The following DZANK1 variants were observed in gnomAD, a reference collection of about 807,000 sequenced individuals.
DZANK1 encodes the protein double zinc ribbon and ankyrin repeat domains 1.
DZANK1 carries 91 observed loss-of-function variants against 94.5 expected under a neutral mutation model. That is an observed-to-expected ratio of 0.96 (90% CI 0.81 to 1.15). The LOEUF (loss-of-function observed/expected upper bound fraction) is 1.15. DZANK1 is among the 50% of genes most tolerant of loss of function. The pLI is 0.00. For missense variants in DZANK1, 903 were observed against 916.4 expected, an observed-to-expected ratio of 0.99 and a Z score of 0.19; for synonymous variants, 312 against 325.3, an observed-to-expected ratio of 0.96 and a Z score of 0.44.
chr20:18,457,586 C>T (rs75004975), intron 3 of DZANK1, among the ~76,000 whole-genome samples: 2,234 of 152,228 alleles, frequency 0.015, 34 homozygotes, highest in African/African-American at 0.025. Flanking sequence ...GACAGAAGCA[C>T]GATAGCAAGT....
intron 6 of DZANK1, among the ~76,000 whole-genome samples, chr20:18,450,790 A>G (rs1259440957): frequency 6.6e-6 from 1 of 152,228 alleles, no homozygotes; most frequent in Admixed American, 6.5e-5. Context: ...GGAACAGAAC[A>G]AGGGCTCCTG....
rs748190118 is a variant in DZANK1, at chr20:18,384,450, C to G, written c.2208G>C (p.Gly736=). Residue 736 remains glycine, a synonymous_variant, in exon 21 of 21, where the codon GGG becomes GGC. Transcript: ENST00000262547. ...TAGTTTGAGCGAGTTGGTCCTCAAG[C>G]CCTTGGCCAAACTTGGCAGCAAAGA... The G allele has an allele frequency of 9.9e-6, 16 of 1,611,828 alleles. No individual in the cohort carries two copies. The Admixed American group carries it at 1.7e-4, about 17-fold the overall frequency.
At chr20:18,405,878 C>T (rs1200334823) in intron 13 of DZANK1, among the ~76,000 whole-genome samples, 1 of 152,224 alleles carries the variant, frequency 6.6e-6, no homozygotes, top group South Asian at 2.1e-4. Context: ...AATGTGTGCA[C>T]TTTGGGGAGG....
chr20:18,463,063 A>G (rs2059528701), intron 2 of DZANK1, among the ~76,000 whole-genome samples: 1 of 152,204 alleles, frequency 6.6e-6, no homozygotes, highest in African/African-American at 2.4e-5. Context: ...ATGTACCCAT[A>G]TGTTCCTTAC....
chr20:18,439,034 A>G (rs1053957600), intron 8 of DZANK1, among the ~76,000 whole-genome samples: 18 of 152,042 alleles, frequency 1.2e-4, no homozygotes, highest in African/African-American at 4.3e-4. Context: ...ATAACAACAA[A>G]CCCCCAAAAT....
intron 9 of DZANK1, chr20:18,433,067 T>C (rs999671853): frequency 6.6e-6 from 1 of 152,268 alleles, no homozygotes; most frequent in Non-Finnish European, 1.5e-5. Context: ...AGTTTAAATA[T>C]ATGAAGTAAA....
chr20:18,463,964 TTA>T (rs1165911004), intron 2 of DZANK1, among the ~76,000 whole-genome samples: 2 of 152,226 alleles, frequency 1.3e-5, no homozygotes, highest in African/African-American at 2.4e-5. Context: ...CTTATGTTAA[TTA>T]TATATGTGTA....
chr20:18,448,539 T>C (rs934260261), intron 7 of DZANK1, among the ~76,000 whole-genome samples: 3 of 152,096 alleles, frequency 2.0e-5, no homozygotes, highest in African/African-American at 4.8e-5. Context: ...TTATTGTATG[T>C]CAATTATACT....
intron 4 of DZANK1, among the ~76,000 whole-genome samples, chr20:18,454,806 G>A (rs2059224987): frequency 6.6e-6 from 1 of 152,208 alleles, no homozygotes; most frequent in South Asian, 2.1e-4. Flanking sequence ...AAGGAACAAA[G>A]TAATCACATG....
At chr20:18,440,381 A>G (rs911098024) in intron 8 of DZANK1, among the ~76,000 whole-genome samples, 2 of 152,134 alleles carry the variant, frequency 1.3e-5, no homozygotes, top group Non-Finnish European at 2.9e-5. Flanking sequence ...TAAACCCAGA[A>G]TCTCTATAAG....
At chr20:18,384,416 T>C (rs1374951123) in exon 21 of DZANK1, 2 of 1,611,314 alleles carry the variant, frequency 1.2e-6, no homozygotes, top group Non-Finnish European at 1.7e-6. Context: ...TCATCCAGGC[T>C]GAGGCTCCTA....
At position 18,398,442 on chromosome 20, in the gene DZANK1, C is replaced by G. The variant is rs191568841; in HGVS notation, c.1536+81G>C. On this transcript the variant is annotated intron_variant, in intron 14 of 20. Coordinates refer to ENST00000262547, the Ensembl canonical transcript of DZANK1. ...AAAGGGAAAGGAGCCAGGCAAGATG[C>G]AGTTTCAGGCAAAGTCCATGGAGGG... 382 of 1,261,678 alleles carry G rather than the reference C, an allele frequency of 3.0e-4. 1 individual carries two copies. Among genetic ancestry groups the G allele is most frequent in the Middle Eastern group, 1.7e-3 (7 of 4,162 alleles). The allele number at this position is 1,261,678 out of a possible 1,614,324, so 78.2% of individuals were successfully genotyped here. A position where few individuals can be genotyped will look rare whatever the true frequency, so the allele number is the denominator to read the frequency against.
chr20:18,434,475 G>A (rs1014165752), intron 8 of DZANK1, among the ~76,000 whole-genome samples: 2 of 149,708 alleles, frequency 1.3e-5, no homozygotes, highest in Non-Finnish European at 3.0e-5. Context: ...AAGCCAGGAG[G>A]CAGAGGTTGT....
chr20:18,452,071 G>T (rs2059123041), intron 6 of DZANK1: 2 of 300,306 alleles, frequency 6.7e-6, no homozygotes, highest in Admixed American at 4.8e-5. Flanking sequence ...TTTAGGGGTG[G>T]TTTTTTTTTT....
chr20:18,394,317 C>T lies in DZANK1; in HGVS notation c.1645G>A (p.Asp549Asn), dbSNP rs560238158. Residue 549 changes from aspartate (D) to asparagine (N), a missense_variant, in exon 16 of 21, where the codon GAT becomes AAT. Coordinates refer to ENST00000262547, the Ensembl canonical transcript of DZANK1. Reference sequence around the variant, plus strand: ...TCGGCAGCACTGCTCAGAAGGTGATCGCTGAAATTCACTGCCTTGTTCAGG... The same window carrying T: ...TCGGCAGCACTGCTCAGAAGGTGATTGCTGAAATTCACTGCCTTGTTCAGG... 11 of 1,613,674 alleles carry T rather than the reference C, an allele frequency of 6.8e-6. No homozygotes were observed. Among genetic ancestry groups the T allele is most frequent in the African/African-American group, 1.3e-5 (1 of 74,916 alleles).
In DZANK1 at chr20:18,461,107, T is replaced by A. The variant is rs1047013243; in HGVS notation, c.110-801A>T. Among the ~76,000 whole-genome samples, 101 of 152,302 alleles carry A rather than the reference T, an allele frequency of 6.6e-4. 1 individual carries two copies. Among genetic ancestry groups the A allele is most frequent in the Non-Finnish European group, 7.4e-5 (5 of 68,020 alleles). ...TCAAGATTCAAAAGGTCAAAAAGGG[T>A]ATACAGTGAAAAGTCTCCCCCAACC... On this transcript the variant is annotated intron_variant, in intron 2 of 20. Coordinates refer to ENST00000262547, the Ensembl canonical transcript of DZANK1.
intron 18 of DZANK1, among the ~76,000 whole-genome samples, chr20:18,390,047 C>T (rs1176373061): frequency 6.6e-6 from 1 of 151,642 alleles, no homozygotes; most frequent in Non-Finnish European, 1.5e-5. Flanking sequence ...CCCACATGGG[C>T]GGGGAGGGGA....
At chr20:18,423,310 T>C (rs1162250033) in intron 10 of DZANK1, among the ~76,000 whole-genome samples, 1 of 152,234 alleles carries the variant, frequency 6.6e-6, no homozygotes, top group Non-Finnish European at 1.5e-5. Context: ...AAGTGATGCA[T>C]TACTATATTT....
exon 19 of DZANK1, chr20:18,389,766 A>C (rs757415188): frequency 4.3e-6 from 7 of 1,613,990 alleles, no homozygotes; most frequent in Non-Finnish European, 4.2e-6. Flanking sequence ...CATGGTGCTT[A>C]TTCATAACAG....
Sources: allele counts gnomAD v4.1 joint callset (sites outside exome capture counted in the v4.1 genomes callset), GRCh38; gene constraint gnomAD v4.1.1; transcripts MANE v1.5; gene names NCBI Gene and HGNC (gene_info 2026-07-23, HGNC 2026-07-21).